NCOA2: variants seen among roughly 807,000 people sequenced by gnomAD.
NCOA2 encodes nuclear receptor coactivator 2.
NCOA2 carries 21 observed loss-of-function variants against 145.1 expected under a neutral mutation model. The ratio of observed to expected loss-of-function variants is 0.14; its 90% CI spans 0.10 to 0.21. NCOA2 has a LOEUF of 0.21. Among genes scored for constraint, NCOA2 ranks in the 10% least tolerant of loss-of-function variants. The pLI is 1.00. For missense variants in NCOA2, 1,472 were observed against 1,837.6 expected (o/e 0.80, Z 3.64); for synonymous variants, 619 against 637.5 (o/e 0.97, Z 0.44).
intron 1 of NCOA2, among the ~76,000 whole-genome samples, chr8:70,336,955 G>T (rs1807653201): frequency 6.6e-6 from 1 of 152,044 alleles, no homozygotes; most frequent in Non-Finnish European, 1.5e-5. Flanking sequence ...GAGGACTAGG[G>T]CACCACAATG....
At chr8:70,114,273 G>A (rs1216930015) in intron 22 of NCOA2, among the ~76,000 whole-genome samples, 2 of 152,068 alleles carry the variant, frequency 1.3e-5, no homozygotes, top group African/African-American at 2.4e-5. Context: ...TGATCTGCCC[G>A]CCTTGGCCTC....
intron 1 of NCOA2, among the ~76,000 whole-genome samples, chr8:70,385,258 C>G (rs1218900562): frequency 1.3e-5 from 2 of 152,112 alleles, no homozygotes; most frequent in African/African-American, 4.8e-5. Context: ...TGTCAAATAC[C>G]TATCACTGCA....
Position 70,123,891 on chromosome 8 carries a change from G to A in NCOA2, c.4286C>T (p.Pro1429Leu). 1.2e-6 allele frequency: 2 copies of A among 1,611,216 alleles called. No individual in the cohort carries two copies. The highest frequency in any genetic ancestry group is 1.7e-6 in the Non-Finnish European group (2 of 1,178,140). Residue 1429 changes from proline to leucine, a missense_variant, in exon 21 of 23, where the codon CCC becomes CTC. Physicochemically the swap from Pro to Leu is moderately conservative, Grantham distance 98 (BLOSUM62 -3). Around this residue, in one of 4 missense-constraint regions of NCOA2, gnomAD observed 232 missense variants for 290.6 expected, o/e 0.80. Coordinates refer to ENST00000452400, the MANE Select transcript of NCOA2 (RefSeq NM_006540.4). The stretch of plus-strand genomic sequence containing the variant: ...TTCTCCTTGGGCACTCACCTGCTCG[G>A]GACCCATGGAGGACAGCCCTGACGT... The part of the protein sequence containing the change: ...VPTSGLSSMG[P>L]EQVNDPALRG...
chr8:70,388,308 G>A (rs1481196328), intron 1 of NCOA2, among the ~76,000 whole-genome samples: 1 of 152,100 alleles, frequency 6.6e-6, no homozygotes, highest in Non-Finnish European at 1.5e-5. Context: ...TGTAAAATGA[G>A]GAAAAATAGA....
chr8:70,147,114 G>GCA (rs1418572321), intron 12 of NCOA2, among the ~76,000 whole-genome samples: 2 of 112,166 alleles, frequency 1.8e-5, no homozygotes, highest in Non-Finnish European at 3.5e-5. Flanking sequence ...AATCTTTCGC[G>GCA]CGCGCGCGCG....
At chr8:70,451,300 C>T in the NCOA2 span, among the ~76,000 whole-genome samples, 13 of 134,402 alleles carry the variant, frequency 9.7e-5, no homozygotes, top group South Asian at 2.4e-4. Flanking sequence ...CCCAGCTAGT[C>T]GGGAGGCTAA....
chr8:70,400,394 T>C (rs558295428), intron 1 of NCOA2, among the ~76,000 whole-genome samples: 61 of 151,814 alleles, frequency 4.0e-4, no homozygotes, highest in Admixed American at 3.4e-3. Flanking sequence ...GAGGTTTTTT[T>C]CCCCCCAAGC....
the NCOA2 span, among the ~76,000 whole-genome samples, chr8:70,418,850 G>A: frequency 3.9e-5 from 6 of 152,038 alleles, no homozygotes; most frequent in Non-Finnish European, 1.5e-5. Context: ...CAAAAATCTA[G>A]TACTATATTT....
chr8:70,418,623 C>A, the NCOA2 span, among the ~76,000 whole-genome samples: 7 of 152,322 alleles, frequency 4.6e-5, no homozygotes, highest in African/African-American at 1.7e-4. Flanking sequence ...AGCTAGCTAC[C>A]TAGTGGTAGG....
At chr8:70,130,940 G>C (rs1384019463) in intron 16 of NCOA2, among the ~76,000 whole-genome samples, 3 of 152,168 alleles carry the variant, frequency 2.0e-5, no homozygotes, top group Non-Finnish European at 4.4e-5. Flanking sequence ...TCTTTCAAGG[G>C]ACTATGTTAG....
the NCOA2 span, among the ~76,000 whole-genome samples, chr8:70,444,620 TG>T: frequency 6.6e-6 from 1 of 152,208 alleles, no homozygotes; most frequent in Admixed American, 6.5e-5. Context: ...TGAGGGAAAC[TG>T]GGCAAAGGGT....
chr8:70,258,863 G>A (rs969786852), intron 2 of NCOA2, among the ~76,000 whole-genome samples: 1 of 152,082 alleles, frequency 6.6e-6, no homozygotes. Flanking sequence ...CATATAGTAG[G>A]AACTCAATAA....
chr8:70,413,836 T>C, the NCOA2 span, among the ~76,000 whole-genome samples: 1 of 152,230 alleles, frequency 6.6e-6, no homozygotes, highest in Non-Finnish European at 1.5e-5. Flanking sequence ...TTGTTTGTTT[T>C]GTTTTGTTTT....
chr8:70,178,093 A>G (rs145716184), intron 4 of NCOA2, among the ~76,000 whole-genome samples: 54 of 152,222 alleles, frequency 3.5e-4, no homozygotes, highest in African/African-American at 1.2e-3. Flanking sequence ...AAAACCTTAC[A>G]CTTAGATAAC....
chr8:70,455,237 TGTAA>T, the NCOA2 span, among the ~76,000 whole-genome samples: 7 of 152,374 alleles, frequency 4.6e-5, no homozygotes, highest in Admixed American at 3.9e-4. Context: ...CTTTATAATG[TGTAA>T]GTGTTTCTTG....
intron 2 of NCOA2, among the ~76,000 whole-genome samples, chr8:70,256,271 G>A (rs1417575718): frequency 6.6e-6 from 1 of 152,178 alleles, no homozygotes; most frequent in Admixed American, 6.5e-5. Flanking sequence ...CAGAACGGGA[G>A]GCAAGGAAAT....
In NCOA2 at chr8:70,334,937, G is replaced by A. The variant is rs142318671; in HGVS notation, c.-76-38137C>T. Among the ~76,000 whole-genome samples the A allele has an allele frequency of 3.1e-3, 463 of 151,524 alleles. 19 individuals are homozygous for A. The East Asian group carries it at 0.073, about 24-fold the overall frequency. On this transcript the variant is annotated intron_variant, in intron 1 of 22. Transcript: ENST00000452400. ...TCAGGAGTTTGAGACCAGCCTGACCGACACGGTGAAACCCTATCTCTACAA... is the reference window on the plus strand; with the variant it reads ...TCAGGAGTTTGAGACCAGCCTGACCAACACGGTGAAACCCTATCTCTACAA...
chr8:70,232,685 C>G (rs1364701753), intron 2 of NCOA2, among the ~76,000 whole-genome samples: 1 of 152,062 alleles, frequency 6.6e-6, no homozygotes, highest in Non-Finnish European at 1.5e-5. Context: ...ACCTCTTCCT[C>G]TCTACTTAAT....
At chr8:70,336,283 A>G (rs958137069) in intron 1 of NCOA2, among the ~76,000 whole-genome samples, 2 of 152,186 alleles carry the variant, frequency 1.3e-5, no homozygotes. Context: ...ACTGTCGTAT[A>G]TATGATCTGT....
Sources: gnomAD v4.1 joint callset for allele counts (sites outside exome capture counted in the v4.1 genomes callset) on GRCh38, gnomAD v4.1.1 for gene constraint, gnomAD v4.1.1 regional missense constraint, MANE v1.5 for transcripts, NCBI Gene and HGNC (gene_info 2026-07-23, HGNC 2026-07-21) for gene names.